ANKRD6: variants seen among roughly 807,000 people sequenced by gnomAD.
ANKRD6 encodes ankyrin repeat domain-containing protein 6.
In ANKRD6, 56 loss-of-function variants were observed where a neutral mutation model predicts 82.3. The observed-to-expected ratio is 0.68, with a 90% CI of 0.55 to 0.85. ANKRD6 has a LOEUF of 0.85. Ranked by LOEUF, ANKRD6 falls within the 40% of genes least tolerant of loss-of-function variation. The pLI is 0.00. For missense variants in ANKRD6, 852 were observed against 907.6 expected, an observed-to-expected ratio of 0.94 and a Z score of 0.79; for synonymous variants, 347 against 352.1, an observed-to-expected ratio of 0.99 and a Z score of 0.16.
At chr6:89,491,555 G>T (rs112028225) in intron 1 of ANKRD6, among the ~76,000 whole-genome samples, 1 of 151,406 alleles carries the variant, frequency 6.6e-6, no homozygotes, top group African/African-American at 2.4e-5. Flanking sequence ...GCCAAACACC[G>T]CATGTTCTCA....
Position 89,460,906 on chromosome 6 carries a change from A to ATTTTTTTTTTT in ANKRD6, c.-144+27533_-144+27534insTTTTTTTTTTT, listed in dbSNP as rs1554213815. On this transcript the variant is annotated intron_variant, in intron 1 of 15. Coordinates refer to ENST00000339746, the MANE Select transcript of ANKRD6 (RefSeq NM_001242809.2). ...ACTAATACTACATCGGTGTTTTGGA[A>ATTTTTTTTTTT]TTCTTTTTTTTTGAGACCGAGTCTC... Among the ~76,000 whole-genome samples, 13 of 83,946 alleles carry ATTTTTTTTTTT rather than the reference A, an allele frequency of 1.5e-4. 1 individual carries two copies. Among genetic ancestry groups the ATTTTTTTTTTT allele is most frequent in the South Asian group, 3.0e-4 (1 of 3,350 alleles). The allele number at this position is 83,946 out of a possible 152,430, so 55.1% of individuals were successfully genotyped here.
chr6:89,536,242 A>G (rs1231005680), intron 1 of ANKRD6, among the ~76,000 whole-genome samples: 1 of 152,124 alleles, frequency 6.6e-6, no homozygotes, highest in Non-Finnish European at 1.5e-5. Flanking sequence ...AGAGAGAGAG[A>G]AAAAAAACCT....
At chr6:89,617,204 G>A (rs1801795374) in intron 8 of ANKRD6, among the ~76,000 whole-genome samples, 1 of 152,208 alleles carries the variant, frequency 6.6e-6, no homozygotes, top group Non-Finnish European at 1.5e-5. Context: ...GCAGGGCCTG[G>A]AGGGTGCAAC....
chr6:89,616,442 A>G, intron 7 of ANKRD6, 117 bp from the exon 8 acceptor site: 1 of 878,516 alleles, frequency 1.1e-6, no homozygotes, highest in Non-Finnish European at 1.8e-6. Context: ...GCCCCATTTC[A>G]GTCTCAGGCA....
rs918808549 is a variant in ANKRD6, at chr6:89,632,972, G to A, written c.*1968G>A. 1 of 152,188 alleles carries A rather than the reference G, an allele frequency of 6.6e-6. No homozygotes were observed. The highest frequency in any genetic ancestry group is 2.4e-5 in the African/African-American group (1 of 41,430). 9.4% of individuals were successfully genotyped at this position (152,188 alleles called of 1,614,324 possible). A position where few individuals can be genotyped will look rare whatever the true frequency, so the allele number is the denominator to read the frequency against. ...CCAAAATATCTCCTATTACCTCAAG[G>A]TATCCTTGTTGAGGAATGCTGAAAA... On this transcript the variant is annotated 3_prime_UTR_variant, in exon 16 of 16. Transcript: ENST00000339746.
intron 1 of ANKRD6, among the ~76,000 whole-genome samples, chr6:89,440,683 G>A (rs1424597833): frequency 2.0e-5 from 3 of 152,056 alleles, no homozygotes; most frequent in Admixed American, 2.0e-4. Context: ...CAGCTACTTG[G>A]GAGAGGCTAA....
At chr6:89,500,689 G>T (rs1779164923) in intron 1 of ANKRD6, among the ~76,000 whole-genome samples, 1 of 152,114 alleles carries the variant, frequency 6.6e-6, no homozygotes, top group Non-Finnish European at 1.5e-5. Flanking sequence ...AGGGGCTGTG[G>T]GATGGGAAAG....
In ANKRD6 at chr6:89,623,964, C is replaced by T. The variant is rs954642296; in HGVS notation, c.1125C>T (p.Asn375=). 2 of 1,613,868 alleles carry T rather than the reference C, an allele frequency of 1.2e-6. No homozygotes were observed. The highest frequency in any genetic ancestry group is 8.5e-7 in the Non-Finnish European group (1 of 1,179,830). Residue 375 remains asparagine (N), a synonymous_variant, in exon 12 of 16, where the codon AAC becomes AAT. Transcript: ENST00000339746. ...LHAHNHPKKR[N]RHRCSSPPPP... The stretch of plus-strand genomic sequence containing the variant: ...CTCATAATCACCCTAAAAAGAGGAA[C>T]AGGCATCGGTGTTCATCCCCACCCC...
intron 12 of ANKRD6, 50 bp downstream of exon 12, chr6:89,624,107 G>C: frequency 6.5e-7 from 1 of 1,535,260 alleles, no homozygotes; most frequent in Admixed American, 2.1e-5. Flanking sequence ...TTCAGCAAGG[G>C]TTTTTGTTTA....
chr6:89,611,038 C>T (rs1221805591), intron 5 of ANKRD6, among the ~76,000 whole-genome samples: 1 of 152,040 alleles, frequency 6.6e-6, no homozygotes, highest in Non-Finnish European at 1.5e-5. Context: ...AACCAGCGAG[C>T]CTGCTAGAAC....
chr6:89,447,966 C>T (rs978607077), intron 1 of ANKRD6, among the ~76,000 whole-genome samples: 2 of 151,730 alleles, frequency 1.3e-5, no homozygotes, highest in East Asian at 1.9e-4. Flanking sequence ...GGATTACAGG[C>T]GTGAGCCACT....
At chr6:89,525,472 C>G (rs1402631985) in intron 1 of ANKRD6, among the ~76,000 whole-genome samples, 2 of 152,168 alleles carry the variant, frequency 1.3e-5, no homozygotes, top group Non-Finnish European at 2.9e-5. Context: ...GTGGCATCCT[C>G]TTGCTGCTGT....
chr6:89,493,938 G>C (rs548815286), intron 1 of ANKRD6, among the ~76,000 whole-genome samples: 2 of 152,268 alleles, frequency 1.3e-5, no homozygotes, highest in South Asian at 4.1e-4. Context: ...AATTGTTAAA[G>C]AAAAAGTTAT....
In ANKRD6 at chr6:89,495,718, T is replaced by C. The variant is rs528601408; in HGVS notation, c.-144+62343T>C. ...ATAGGGCTTTGTAAGAATTCAATAC[T>C]GTAATTTAATTATGTTACATTCAGC... On this transcript the variant is annotated intron_variant, in intron 1 of 15. Coordinates refer to ENST00000339746, the MANE Select transcript of ANKRD6 (RefSeq NM_001242809.2). Among the ~76,000 whole-genome samples, 3 of 152,354 alleles carry C rather than the reference T, an allele frequency of 2.0e-5. No individual in the cohort carries two copies. The South Asian group carries it at 6.2e-4, about 32-fold the overall frequency.
chr6:89,451,203 G>C (rs984489139), intron 1 of ANKRD6, among the ~76,000 whole-genome samples: 4 of 152,132 alleles, frequency 2.6e-5, no homozygotes, highest in Non-Finnish European at 5.9e-5. Flanking sequence ...CAGCTGCTCG[G>C]AAGGCTGAAA....
intron 1 of ANKRD6, among the ~76,000 whole-genome samples, chr6:89,507,036 A>G (rs771757547): frequency 6.6e-6 from 1 of 152,328 alleles, no homozygotes; most frequent in Non-Finnish European, 1.5e-5. Flanking sequence ...ATATTTTCCA[A>G]GCTTATCTCT....
chr6:89,552,772 A>G (rs1562794746), intron 1 of ANKRD6, among the ~76,000 whole-genome samples: 2 of 152,056 alleles, frequency 1.3e-5, no homozygotes, highest in Non-Finnish European at 2.9e-5. Flanking sequence ...CCCCATTTTT[A>G]TAGATGAGAA....
intron 2 of ANKRD6, among the ~76,000 whole-genome samples, chr6:89,590,846 C>T (rs1358312960): frequency 6.6e-6 from 1 of 152,202 alleles, no homozygotes; most frequent in East Asian, 1.9e-4. Context: ...AAAATGGGTT[C>T]GATAATAGTG....
At chr6:89,586,067 TAAGAAC>T (rs1009746097) in intron 2 of ANKRD6, among the ~76,000 whole-genome samples, 5 of 152,188 alleles carry the variant, frequency 3.3e-5, no homozygotes, top group Admixed American at 1.3e-4. Context: ...AACAGATCAA[TAAGAAC>T]AAGAAACACC....
Sources: gnomAD v4.1 joint callset for allele counts (sites outside exome capture counted in the v4.1 genomes callset) on GRCh38, gnomAD v4.1.1 for gene constraint, MANE v1.5 for transcripts, NCBI Gene and HGNC (gene_info 2026-07-23, HGNC 2026-07-21) for gene names.